Variants in INAVA observed in about 807,000 individuals in gnomAD.
INAVA encodes the protein innate immunity activator.
Under a neutral mutation model 55.3 loss-of-function variants are expected in INAVA, and 32 were observed. The observed-to-expected ratio is 0.58, with a 90% CI of 0.44 to 0.78. INAVA has a LOEUF of 0.78. INAVA is among the 30% of genes least tolerant of loss of function. The pLI, the probability that INAVA is intolerant of heterozygous loss-of-function variation, is 0.00. For missense variants in INAVA, 756 were observed against 786.4 expected, an observed-to-expected ratio of 0.96 and a Z score of 0.46; for synonymous variants, 294 against 329.4, an observed-to-expected ratio of 0.89 and a Z score of 1.16.
Position 200,901,909 on chromosome 1 carries a change from C to A in INAVA, c.520+750C>A, listed in dbSNP as rs12096078. Reference sequence around the variant, plus strand: ...CATCAGTGTGTCCACCACAGGTTAGCTTCCAACAGGTGGTTCTGAGCCCTT... The same window carrying A: ...CATCAGTGTGTCCACCACAGGTTAGATTCCAACAGGTGGTTCTGAGCCCTT... On this transcript the variant is annotated intron_variant, in intron 5 of 9. Coordinates refer to ENST00000413687, the MANE Select transcript of INAVA (RefSeq NM_001142569.3). Among the ~76,000 whole-genome samples, 198 of 152,326 alleles carry A rather than the reference C, an allele frequency of 1.3e-3. 1 individual carries two copies. Among genetic ancestry groups the A allele is most frequent in the African/African-American group, 4.6e-3 (193 of 41,572 alleles).
In INAVA at chr1:200,911,816, T is replaced by C; in HGVS notation, c.1323T>C (p.Ala441=). The change falls in exon 9 of 10, where the codon GCT becomes GCC. Residue 441 remains alanine (A), a synonymous_variant. Transcript: ENST00000413687. ...CGGCGGGGCGGTACGTGGTGGTGGC[T>C]GAGAGCCCCCTGCCGCCTGGCGAGT... ...YFPAGRYVVV[A]ESPLPPGEWE... The C allele has an allele frequency of 1.2e-6, 2 of 1,606,076 alleles. No homozygotes were observed. Among genetic ancestry groups the C allele is most frequent in the Non-Finnish European group, 1.7e-6 (2 of 1,178,034 alleles).
rs1486829214 is a variant in INAVA at position 200,900,239 on chromosome 1, C to T, written c.297+19C>T. The T allele has an allele frequency of 6.2e-7, 1 of 1,600,310 alleles. No individual in the cohort carries two copies. Among genetic ancestry groups the T allele is most frequent in the East Asian group, 2.2e-5 (1 of 44,724 alleles). The stretch of plus-strand genomic sequence containing the variant: ...CAGAGAGGTGAGGAACCTCAGGAAG[C>T]TGCCAGTACCCCTCGATCCCCAAAG... On this transcript the variant is annotated intron_variant, in intron 4 of 9. Coordinates refer to ENST00000413687, the MANE Select transcript of INAVA (RefSeq NM_001142569.3).
chr1:200,904,407 T>C (rs1558231108), intron 5 of INAVA, among the ~76,000 whole-genome samples: 1 of 152,146 alleles, frequency 6.6e-6, no homozygotes, highest in Non-Finnish European at 1.5e-5. Flanking sequence ...ATTTCTGAGA[T>C]GGTGGAAGTG....
At chr1:200,912,281 C>A in intron 9 of INAVA, 144 bp downstream of exon 9, 1 of 843,268 alleles carries the variant, frequency 1.2e-6, no homozygotes, top group Non-Finnish European at 1.8e-6. Context: ...GAAGAACAGG[C>A]CAAAAAATCA....
intron 5 of INAVA, among the ~76,000 whole-genome samples, chr1:200,903,438 G>A (rs906138809): frequency 6.6e-5 from 10 of 151,730 alleles, no homozygotes; most frequent in East Asian, 1.9e-4. Context: ...CAAGGGAGCC[G>A]AGATCGTGCC....
chr1:200,908,024 T>C, intron 6 of INAVA, 137 bp downstream of exon 6: 1 of 614,998 alleles, frequency 1.6e-6, no homozygotes. Context: ...CGCTTGGACT[T>C]CATGTCAATT....
upstream of INAVA, among the ~76,000 whole-genome samples, chr1:200,892,254 C>T (rs1668252661): frequency 6.6e-6 from 1 of 152,160 alleles, no homozygotes. Context: ...TTGTCTCTAG[C>T]GCTGGCCATT....
chr1:200,892,744 A>T (rs1668261655), upstream of INAVA, among the ~76,000 whole-genome samples: 1 of 152,174 alleles, frequency 6.6e-6, no homozygotes, highest in African/African-American at 2.4e-5. Context: ...GAATTGAATG[A>T]CATGGCCATC....
In INAVA at chr1:200,901,001, G is replaced by C. The variant is rs753171021; in HGVS notation, c.362G>C (p.Arg121Pro). 2 of 1,552,112 alleles carry C rather than the reference G, an allele frequency of 1.3e-6. No individual in the cohort carries two copies. Among genetic ancestry groups the C allele is most frequent in the Non-Finnish European group, 1.7e-6 (2 of 1,147,628 alleles). Reference sequence around the variant, plus strand: ...CTGCAGATCACAGAGGCAGCCCGTCGGCTGTGCCTGGAGGAGAACCTCAGC... The same window carrying C: ...CTGCAGATCACAGAGGCAGCCCGTCCGCTGTGCCTGGAGGAGAACCTCAGC... ...LQLQITEAAR[R>P]LCLEENLSRQ... Residue 121 changes from arginine to proline, a missense_variant, in exon 5 of 10, where the codon CGG (arginine) becomes CCG (proline). Around this residue, in one of 2 missense-constraint regions of INAVA, gnomAD observed 639 missense variants for 624.3 expected, o/e 1.02. Coordinates refer to ENST00000413687, the MANE Select transcript of INAVA (RefSeq NM_001142569.3).
At chr1:200,901,201 G>A (rs1490204426) in intron 5 of INAVA, 42 bp downstream of exon 5, 16 of 1,443,600 alleles carry the variant, frequency 1.1e-5, no homozygotes, top group Non-Finnish European at 1.4e-5. Flanking sequence ...CCTTAAATGA[G>A]CTTTTGAGGG....
upstream of INAVA, among the ~76,000 whole-genome samples, chr1:200,892,002 G>C (rs571254434): frequency 6.6e-5 from 10 of 152,292 alleles, no homozygotes; most frequent in African/African-American, 1.9e-4. Flanking sequence ...AGTGGGGGAG[G>C]GGAGCAGGGT....
At position 200,908,941 on chromosome 1, in the gene INAVA, G is replaced by A. The variant is rs1220147257; in HGVS notation, c.785+1G>A. On this transcript the variant is annotated splice_donor_variant, in intron 7 of 9. Coordinates refer to ENST00000413687, the MANE Select transcript of INAVA (RefSeq NM_001142569.3). LOFTEE classifies it high-confidence loss of function. The stretch of plus-strand genomic sequence containing the variant: ...CTTCTGAGCCCTGGAGCGAGTCCAG[G>A]TCAGGATCAGGGGGAAGGGAGAAGG... The A allele has an allele frequency of 2.5e-6, 4 of 1,611,636 alleles. No individual in the cohort carries two copies. In the South Asian group the frequency reaches 3.3e-5, roughly 13 times the overall value.
intron 2 of INAVA, among the ~76,000 whole-genome samples, 195 bp downstream of exon 2, chr1:200,898,650 A>G (rs113359353): frequency 6.6e-6 from 1 of 152,256 alleles, no homozygotes; most frequent in African/African-American, 2.4e-5. Flanking sequence ...CCTCAGGGAC[A>G]TGTGGAGTTT....
chr1:200,911,733 G>A lies in INAVA; in HGVS notation c.1240G>A (p.Gly414Ser), dbSNP rs142240839. ...TCACCGCGGGGCCTGGGTCCCAGCC[G>A]GCAGCAGAGAGCTGGTCGCCCACCA... is the stretch of plus-strand genomic sequence containing the variant. ...HRHRGAWVPA[G>S]SRELVAHHPK... is the part of the protein sequence containing the mutation. The change falls in exon 9 of 10, where the codon GGC becomes AGC. Residue 414 changes from glycine (G) to serine (S), a missense_variant. Gly to Ser is a moderately conservative substitution (Grantham distance 56). Transcript: ENST00000413687. 15 of 1,612,334 alleles carry A rather than the reference G, an allele frequency of 9.3e-6. No individual in the cohort carries two copies. The South Asian group carries it at 1.2e-4, about 13-fold the overall frequency.
Position 200,899,558 on chromosome 1 carries a change from C to G in INAVA, c.141C>G (p.Ala47=). Residue 47 remains alanine (A), a synonymous_variant, in exon 3 of 10, where the codon GCC becomes GCG. Transcript: ENST00000413687. ...GGGCCCTGGAAGCGAGGCTGGAGGC[C>G]TGCCTGGAGGAGCTGAGGAGACTCT... ...QQRALEARLE[A]CLEELRRLCL... 6.2e-7 allele frequency: 1 copy of G among 1,613,404 alleles called. No homozygotes were observed. The highest frequency in any genetic ancestry group is 1.3e-5 in the African/African-American group (1 of 75,022).
At chr1:200,910,008 CAT>C (rs1553231205) in intron 8 of INAVA, among the ~76,000 whole-genome samples, 3 of 152,178 alleles carry the variant, frequency 2.0e-5, no homozygotes, top group Non-Finnish European at 4.4e-5. Context: ...ACCTAGCACA[CAT>C]ATTTTCTCCA....
chr1:200,908,719 T>C lies in INAVA; in HGVS notation c.575-11T>C, dbSNP rs1653592283. On this transcript the variant is annotated splice_polypyrimidine_tract_variant and intron_variant, in intron 6 of 9. Coordinates refer to ENST00000413687, the MANE Select transcript of INAVA (RefSeq NM_001142569.3). The stretch of plus-strand genomic sequence containing the variant: ...GCCTCTGGCCTTACCAGGTTTCTTT[T>C]ACTCCTGCAGAGGAATCCCAAGTGC... 6.5e-7 allele frequency: 1 copy of C among 1,540,786 alleles called. No homozygotes were observed. The highest frequency in any genetic ancestry group is 1.2e-5 in the South Asian group (1 of 80,284).
At chr1:200,894,676 A>G, upstream of INAVA, 1 of 512,404 alleles carries the variant, frequency 2.0e-6, no homozygotes, top group Non-Finnish European at 2.5e-6. Flanking sequence ...ATGTTGTACT[A>G]GGGTCTCTTG....
At chr1:200,896,004 G>A (rs1228012839) in intron 1 of INAVA, among the ~76,000 whole-genome samples, 1 of 152,252 alleles carries the variant, frequency 6.6e-6, no homozygotes, top group South Asian at 2.1e-4. Flanking sequence ...GAAGATCAGT[G>A]CCTCCCCTTT....
Sources: gnomAD v4.1 joint callset for allele counts (sites outside exome capture counted in the v4.1 genomes callset) on GRCh38, gnomAD v4.1.1 for gene constraint, gnomAD v4.1.1 regional missense constraint, MANE v1.5 for transcripts, NCBI Gene and HGNC (gene_info 2026-07-23, HGNC 2026-07-21) for gene names.